RALGAPB: variants seen among roughly 807,000 people sequenced by gnomAD.
The protein encoded by RALGAPB is Ral GTPase activating protein non-catalytic subunit beta.
RALGAPB carries 25 observed loss-of-function variants against 161.1 expected under a neutral mutation model. The observed-to-expected ratio is 0.16, with a 90% CI of 0.11 to 0.22. The LOEUF (loss-of-function observed/expected upper bound fraction) is 0.22, where lower values mean the gene tolerates loss of function less well. RALGAPB is among the 10% of genes least tolerant of loss of function. The pLI, the probability that RALGAPB is intolerant of heterozygous loss-of-function variation, is 1.00. For synonymous variants in RALGAPB, 629 were observed against 626.1 expected (o/e 1.00, Z -0.07); for missense variants, 1,391 against 1,815.2 (o/e 0.77, Z 4.25).
At chr20:38,555,305 C>T (rs2087540353) in intron 22 of RALGAPB, among the ~76,000 whole-genome samples, 1 of 152,104 alleles carries the variant, frequency 6.6e-6, no homozygotes, top group African/African-American at 2.4e-5. Flanking sequence ...GGTTATAGGC[C>T]ATTTAGCTTT....
chr20:38,503,354 A>G (rs2085652558), intron 5 of RALGAPB, among the ~76,000 whole-genome samples: 1 of 152,266 alleles, frequency 6.6e-6, no homozygotes, highest in African/African-American at 2.4e-5. Flanking sequence ...ACATTCTGTA[A>G]GGTTATAGCT....
At chr20:38,506,935 A>G (rs2085779830) in intron 5 of RALGAPB, among the ~76,000 whole-genome samples, 1 of 152,232 alleles carries the variant, frequency 6.6e-6, no homozygotes. Flanking sequence ...CACAGAGAAC[A>G]TGAATATTAT....
intron 24 of RALGAPB, among the ~76,000 whole-genome samples, chr20:38,564,841 CTCT>C (rs1568981318): frequency 6.6e-6 from 1 of 151,970 alleles, no homozygotes; most frequent in African/African-American, 2.4e-5. Flanking sequence ...TCTCTTCTCT[CTCT>C]TCTTCTCTCT....
chr20:38,507,247 G>T (rs914000336), intron 5 of RALGAPB, among the ~76,000 whole-genome samples: 1 of 151,920 alleles, frequency 6.6e-6, no homozygotes, highest in Admixed American at 6.6e-5. Flanking sequence ...TCTGATTCTT[G>T]TCACTTTAGT....
chr20:38,506,621 A>AT (rs1265225354), intron 5 of RALGAPB, among the ~76,000 whole-genome samples: 1 of 151,936 alleles, frequency 6.6e-6, no homozygotes, highest in Non-Finnish European at 1.5e-5. Flanking sequence ...TTTCTTTGCA[A>AT]TTTTTTTGTT....
chr20:38,515,090 C>G (rs1234925034), intron 6 of RALGAPB, among the ~76,000 whole-genome samples: 1 of 152,180 alleles, frequency 6.6e-6, no homozygotes, highest in South Asian at 2.1e-4. Context: ...CAGCTTTACT[C>G]CTTGTTCTTC....
chr20:38,480,385 C>CTTT (rs71189925), intron 1 of RALGAPB, among the ~76,000 whole-genome samples: 7 of 128,736 alleles, frequency 5.4e-5, no homozygotes, highest in African/African-American at 1.2e-4. Context: ...TTCTTTCTTT[C>CTTT]TTTTTTTTTT....
At chr20:38,487,879 C>T (rs905942259) in intron 1 of RALGAPB, among the ~76,000 whole-genome samples, 2 of 151,998 alleles carry the variant, frequency 1.3e-5, no homozygotes, top group African/African-American at 2.4e-5. Context: ...CCAGCCTGAC[C>T]AATGTAGAGA....
At chr20:38,541,259 T>A in intron 18 of RALGAPB, 67 bp downstream of exon 18, 1 of 1,455,066 alleles carries the variant, frequency 6.9e-7, no homozygotes, top group Non-Finnish European at 9.3e-7. Context: ...TCCATGTTGT[T>A]TCATTTCCTT....
rs931670167 is a variant in RALGAPB, at chr20:38,558,395, G to A, written c.3473G>A (p.Arg1158His). ...GGGTATCTGGATCTCTTGCCATGTC[G>A]TCCTTTTGACACAGTTTTTATTTTC... Reference protein sequence around the residue: ...DIGYLDLLPCRPFDTVFIFYM... With the variant: ...DIGYLDLLPCHPFDTVFIFYM... The change falls in exon 23 of 30, where the codon CGT (arginine) becomes CAT (histidine). Residue 1158 changes from arginine (R) to histidine (H), a missense_variant. Arg to His is a conservative substitution (Grantham distance 29). Around this residue, in one of 3 missense-constraint regions of RALGAPB, gnomAD observed 436 missense variants for 527.0 expected, o/e 0.83. Transcript: ENST00000262879. The A allele has an allele frequency of 7.5e-6, 12 of 1,605,242 alleles. No homozygotes were observed. The highest frequency in any genetic ancestry group is 1.7e-5 in the Admixed American group (1 of 59,356).
In RALGAPB at chr20:38,517,975, G is replaced by T; in HGVS notation, c.1392G>T (p.Gly464=). Residue 464 remains glycine (G), a synonymous_variant, in exon 9 of 30, where the codon GGG becomes GGT. Transcript: ENST00000262879. ...TTGTTCACTGTAAACTTCATAATGG[G>T]ATAAACAGAGACAGCAGCATGACTG... ...AAFVHCKLHN[G]INRDSSMTAI... 6.2e-7 allele frequency: 1 copy of T among 1,609,948 alleles called. No individual in the cohort carries two copies. The highest frequency in any genetic ancestry group is 8.5e-7 in the Non-Finnish European group (1 of 1,176,188).
intron 4 of RALGAPB, 66 bp downstream of exon 4, chr20:38,497,582 T>A (rs546867494): frequency 1.5e-4 from 231 of 1,501,018 alleles, no homozygotes; most frequent in Non-Finnish European, 2.0e-4. Flanking sequence ...TTAAACTCAG[T>A]GAGCGGTAGA....
At chr20:38,482,418 A>G (rs1367733009) in intron 1 of RALGAPB, among the ~76,000 whole-genome samples, 1 of 128,804 alleles carries the variant, frequency 7.8e-6, no homozygotes, top group Non-Finnish European at 1.6e-5. Context: ...TCACAGCTGT[A>G]TGTTTATCTT....
intron 1 of RALGAPB, among the ~76,000 whole-genome samples, chr20:38,475,561 A>G (rs1382779468): frequency 6.6e-6 from 1 of 152,198 alleles, no homozygotes; most frequent in Non-Finnish European, 1.5e-5. Context: ...TATAGCAATT[A>G]AACATGACAA....
At chr20:38,524,674 A>G (rs75923593) in intron 10 of RALGAPB, 104 bp from the exon 11 acceptor site, 115 of 854,046 alleles carry the variant, frequency 1.3e-4, no homozygotes, top group Admixed American at 3.0e-4. Flanking sequence ...AAGGGTAAAA[A>G]TAGTGATGAG....
At chr20:38,569,305 A>T (rs1033403984) in intron 26 of RALGAPB, 1 of 152,360 alleles carries the variant, frequency 6.6e-6, no homozygotes, top group Non-Finnish European at 1.5e-5. Flanking sequence ...GGGGAGCCAC[A>T]TAGTCCTGTT....
intron 24 of RALGAPB, 113 bp downstream of exon 24, chr20:38,562,810 G>C: frequency 1.7e-6 from 2 of 1,206,234 alleles, no homozygotes; most frequent in South Asian, 3.4e-5. Context: ...ACCAGGCTGG[G>C]TACAGTGGCG....
chr20:38,546,459 T>G, intron 19 of RALGAPB, 29 bp downstream of exon 19: 1 of 1,613,158 alleles, frequency 6.2e-7, no homozygotes, highest in Non-Finnish European at 8.5e-7. Context: ...GAGCCTTCTC[T>G]ACTGCTTAAT....
intron 5 of RALGAPB, among the ~76,000 whole-genome samples, chr20:38,503,489 A>G (rs371340445): frequency 6.6e-6 from 1 of 152,338 alleles, no homozygotes; most frequent in African/African-American, 2.4e-5. Flanking sequence ...CAAGAGAACT[A>G]CAAATTAGAA....
Sources: gnomAD v4.1 joint callset for allele counts (sites outside exome capture counted in the v4.1 genomes callset) on GRCh38, gnomAD v4.1.1 for gene constraint, gnomAD v4.1.1 regional missense constraint, MANE v1.5 for transcripts, NCBI Gene and HGNC (gene_info 2026-07-23, HGNC 2026-07-21) for gene names.